Variants in S100A8 observed in about 807,000 individuals in gnomAD.
The protein encoded by S100A8 is protein S100-A8.
Under a neutral mutation model 4.2 loss-of-function variants are expected in S100A8, and 1 was observed. The ratio of observed to expected loss-of-function variants is 0.24; its 90% CI spans 0.08 to 1.12. The LOEUF (loss-of-function observed/expected upper bound fraction) is 1.12. S100A8 is among the 50% of genes most tolerant of loss of function. The probability of loss-of-function intolerance (pLI) is 0.53; values close to 1 mark genes in which losing one functional copy is unlikely to be tolerated. For missense variants in S100A8, 96 were observed against 111.8 expected (o/e 0.86, Z 0.64); for synonymous variants, 41 against 44.7 (o/e 0.92, Z 0.33).
At chr1:153,417,956 G>A in the S100A8 span, 1 of 1,360,696 alleles carries the variant, frequency 7.3e-7, no homozygotes, top group South Asian at 1.4e-5. Flanking sequence ...AGTTCCTTCT[G>A]CTCCATCTTA....
At chr1:153,402,005 G>A in the S100A8 span, among the ~76,000 whole-genome samples, 1 of 152,146 alleles carries the variant, frequency 6.6e-6, no homozygotes, top group Non-Finnish European at 1.5e-5. Flanking sequence ...GATGGGCTGT[G>A]CTTGAAGGGG....
chr1:153,397,169 C>T, the S100A8 span, among the ~76,000 whole-genome samples: 1 of 152,240 alleles, frequency 6.6e-6, no homozygotes, highest in Non-Finnish European at 1.5e-5. Flanking sequence ...AGGGCTTCCT[C>T]AAGGCAGGGC....
At chr1:153,398,690 C>T in the S100A8 span, among the ~76,000 whole-genome samples, 1 of 152,240 alleles carries the variant, frequency 6.6e-6, no homozygotes, top group Admixed American at 6.5e-5. Context: ...GCTGCTTCCA[C>T]CGCTCATGGA....
the S100A8 span, among the ~76,000 whole-genome samples, chr1:153,403,477 C>A: frequency 6.6e-6 from 1 of 152,106 alleles, no homozygotes; most frequent in South Asian, 2.1e-4. Flanking sequence ...TACCTCCTGT[C>A]GAAATCTGAC....
At chr1:153,390,370 C>G in intron 2 of S100A8, 25 bp downstream of exon 2, 1 of 1,612,712 alleles carries the variant, frequency 6.2e-7, no homozygotes, top group Non-Finnish European at 8.5e-7. Flanking sequence ...GCAGAGAGCC[C>G]CCGCCACACC....
At chr1:153,418,239 G>C in the S100A8 span, 1 of 1,613,830 alleles carries the variant, frequency 6.2e-7, no homozygotes, top group Non-Finnish European at 8.5e-7. Flanking sequence ...TTGGGGTCTA[G>C]CTTCTCAATG....
chr1:153,404,789 ATC>A, the S100A8 span, among the ~76,000 whole-genome samples: 1 of 152,092 alleles, frequency 6.6e-6, no homozygotes, highest in African/African-American at 2.4e-5. Flanking sequence ...TTTGGTGAAG[ATC>A]TCTTTTTTTA....
chr1:153,410,637 A>C, the S100A8 span, among the ~76,000 whole-genome samples: 112 of 152,334 alleles, frequency 7.4e-4, no homozygotes, highest in Middle Eastern at 3.4e-3. Flanking sequence ...TTATGAGGCC[A>C]GCATCATCCT....
At chr1:153,401,322 C>A in the S100A8 span, among the ~76,000 whole-genome samples, 894 of 152,262 alleles carry the variant, frequency 5.9e-3, 7 homozygotes, top group African/African-American at 0.02. Context: ...CTAGGTGCAC[C>A]TGTGCTAGGT....
chr1:153,408,205 C>T, the S100A8 span, among the ~76,000 whole-genome samples: 12 of 152,086 alleles, frequency 7.9e-5, no homozygotes, highest in African/African-American at 1.9e-4. Context: ...TCAAACCCAT[C>T]GCAAAGAAGC....
the S100A8 span, among the ~76,000 whole-genome samples, chr1:153,399,122 G>A: frequency 2.0e-5 from 3 of 152,172 alleles, no homozygotes; most frequent in African/African-American, 7.2e-5. Flanking sequence ...CACAGATCCA[G>A]CCTGTAGTTG....
chr1:153,414,176 G>A, the S100A8 span, among the ~76,000 whole-genome samples: 1 of 152,098 alleles, frequency 6.6e-6, no homozygotes, highest in African/African-American at 2.4e-5. Context: ...TAGCATAAGA[G>A]GAAATTTGAT....
At chr1:153,416,228 G>A in the S100A8 span, among the ~76,000 whole-genome samples, 1 of 152,128 alleles carries the variant, frequency 6.6e-6, no homozygotes, top group African/African-American at 2.4e-5. Context: ...GGGTCCAGAG[G>A]CCCAGTGCTC....
the S100A8 span, among the ~76,000 whole-genome samples, chr1:153,405,384 G>A: frequency 5.3e-5 from 8 of 150,298 alleles, no homozygotes; most frequent in East Asian, 3.9e-4. Context: ...GCCATTTTGC[G>A]GACCCTGGTC....
chr1:153,403,841 G>T, the S100A8 span, among the ~76,000 whole-genome samples: 125 of 152,070 alleles, frequency 8.2e-4, 1 homozygote, highest in Admixed American at 2.4e-3. Context: ...CACCATCGGG[G>T]TATCGTGCAA....
At chr1:153,413,284 T>C in the S100A8 span, among the ~76,000 whole-genome samples, 4 of 152,230 alleles carry the variant, frequency 2.6e-5, no homozygotes, top group Non-Finnish European at 4.4e-5. Flanking sequence ...TTTAAGTGTG[T>C]CCTTCAAATA....
the S100A8 span, chr1:153,421,528 T>A: frequency 1.3e-5 from 2 of 152,216 alleles, no homozygotes; most frequent in African/African-American, 4.8e-5. Context: ...CAATACTACT[T>A]TATGTAAACA....
the S100A8 span, among the ~76,000 whole-genome samples, chr1:153,396,341 C>T: frequency 2.3e-4 from 35 of 152,372 alleles, no homozygotes; most frequent in African/African-American, 7.5e-4. Flanking sequence ...AGCTTGGGAC[C>T]GAAACTTCTT....
chr1:153,393,812 A>G (rs575791192), upstream of S100A8, among the ~76,000 whole-genome samples: 50 of 152,346 alleles, frequency 3.3e-4, no homozygotes, highest in African/African-American at 1.1e-3. Context: ...TGATGTGGAC[A>G]TTACAAGTAT....
Sources: gnomAD v4.1 joint callset for allele counts (sites outside exome capture counted in the v4.1 genomes callset) on GRCh38, gnomAD v4.1.1 for gene constraint, MANE v1.5 for transcripts, NCBI Gene and HGNC (gene_info 2026-07-23, HGNC 2026-07-21) for gene names.